MKLN1: variants seen among roughly 807,000 people sequenced by gnomAD.
MKLN1 encodes muskelin 1.
A neutral mutation model predicts 99.0 loss-of-function variants in MKLN1; 18 were observed. The observed-to-expected ratio is 0.18, with a 90% CI of 0.13 to 0.27. The LOEUF is 0.27. Ranked by LOEUF, MKLN1 falls within the 10% of genes least tolerant of loss-of-function variation. The probability of loss-of-function intolerance (pLI) is 1.00; values close to 1 mark genes in which losing one functional copy is unlikely to be tolerated. For synonymous variants in MKLN1, 288 were observed against 293.2 expected (o/e 0.98, Z 0.18); for missense variants, 621 against 875.9 (o/e 0.71, Z 3.67).
At chr7:131,328,197 GC>G in intron 1 of MKLN1, 200 bp downstream of exon 1, 1 of 649,110 alleles carries the variant, frequency 1.5e-6, no homozygotes, top group Non-Finnish European at 2.6e-6. Context: ...CGGAGAGCGA[GC>G]CCAGGGAGAA....
chr7:131,353,634 A>G (rs1015520022), intron 1 of MKLN1, among the ~76,000 whole-genome samples: 3 of 152,062 alleles, frequency 2.0e-5, no homozygotes, highest in African/African-American at 7.2e-5. Context: ...GCTGAAGTCC[A>G]GTTTTTCAAT....
intron 2 of MKLN1, among the ~76,000 whole-genome samples, chr7:131,192,066 ATT>A (rs1328062626): frequency 4.7e-5 from 5 of 107,326 alleles, no homozygotes; most frequent in East Asian, 2.0e-4. Flanking sequence ...GTATATATAT[ATT>A]ATATATATAC....
At chr7:131,366,999 T>C (rs764721801) in intron 1 of MKLN1, among the ~76,000 whole-genome samples, 9 of 152,196 alleles carry the variant, frequency 5.9e-5, no homozygotes. Context: ...TATACAGATA[T>C]AGTAGATTTT....
chr7:131,480,636 A>G (rs1407370852), intron 17 of MKLN1, among the ~76,000 whole-genome samples: 1 of 152,144 alleles, frequency 6.6e-6, no homozygotes, highest in African/African-American at 2.4e-5. Flanking sequence ...CTATTCATAC[A>G]CTCGAGTTGA....
In MKLN1 at chr7:131,257,726, G is replaced by A. The variant is rs73726318; in HGVS notation, c.-179+54752G>A. On this transcript the variant is annotated intron_variant, in intron 3 of 7. Coordinates refer to the MKLN1 transcript ENST00000416992. ...AAGGAGGAAGGAGAGGAGAAGGGAG[G>A]GAAGGGGAAGGGAGAGAAGGGAAAG... 1.4e-3 allele frequency among the ~76,000 whole-genome samples: 210 copies of A among 152,226 alleles called. 1 individual carries two copies. Among genetic ancestry groups the A allele is most frequent in the African/African-American group, 4.9e-3 (202 of 41,538 alleles).
chr7:131,116,081 A>C (rs192140345), intron 1 of MKLN1, among the ~76,000 whole-genome samples: 1 of 152,052 alleles, frequency 6.6e-6, no homozygotes, highest in Non-Finnish European at 1.5e-5. Context: ...CGAGGCGGGC[A>C]GATCACGAGG....
chr7:131,271,389 C>T (rs1314211613), intron 3 of MKLN1, among the ~76,000 whole-genome samples: 4 of 151,850 alleles, frequency 2.6e-5, no homozygotes, highest in Admixed American at 6.6e-5. Context: ...GAGGCCGAGA[C>T]AGGCAGATCA....
At chr7:131,111,371 C>A (rs1016403464) in intron 1 of MKLN1, among the ~76,000 whole-genome samples, 17 of 152,200 alleles carry the variant, frequency 1.1e-4, no homozygotes, top group Non-Finnish European at 2.9e-5. Context: ...GCCTCACACC[C>A]ACATATCTTG....
At chr7:131,374,829 A>C (rs1793589894) in intron 1 of MKLN1, among the ~76,000 whole-genome samples, 2 of 152,098 alleles carry the variant, frequency 1.3e-5, no homozygotes, top group Non-Finnish European at 2.9e-5. Context: ...GATATATGTA[A>C]TATATAATGT....
chr7:131,411,310 C>T lies in MKLN1; in HGVS notation c.708C>T (p.Gly236=). The change falls in exon 7 of 18, where the codon GGC becomes GGT. Residue 236 remains glycine, a synonymous_variant. Coordinates refer to ENST00000352689, the MANE Select transcript of MKLN1 (RefSeq NM_013255.5). ...EELIEKAVND[G]LFNQYISQQE... ...CTCATTCTTCAATATTTGCAGATGGCTTGTTCAATCAGTATATCAGTCAAC... is the reference window on the plus strand; with the variant it reads ...CTCATTCTTCAATATTTGCAGATGGTTTGTTCAATCAGTATATCAGTCAAC... 7 of 1,598,320 alleles carry T rather than the reference C, an allele frequency of 4.4e-6. No homozygotes were observed. Among genetic ancestry groups the T allele is most frequent in the Non-Finnish European group, 6.0e-6 (7 of 1,166,302 alleles).
chr7:131,293,817 A>AT (rs1367116868), intron 3 of MKLN1, among the ~76,000 whole-genome samples: 1 of 152,162 alleles, frequency 6.6e-6, no homozygotes, highest in Non-Finnish European at 1.5e-5. Context: ...AAGTTCATTA[A>AT]TTAATAATAA....
At chr7:131,252,180 C>G (rs1018012185) in intron 3 of MKLN1, among the ~76,000 whole-genome samples, 4 of 152,026 alleles carry the variant, frequency 2.6e-5, no homozygotes, top group African/African-American at 9.7e-5. Flanking sequence ...AAAGCCCGGA[C>G]AGATACCTCA....
intron 2 of MKLN1, among the ~76,000 whole-genome samples, chr7:131,189,271 TGACA>T (rs1215702970): frequency 6.6e-6 from 1 of 152,200 alleles, no homozygotes; most frequent in African/African-American, 2.4e-5. Flanking sequence ...GTGATTGAAA[TGACA>T]GACAGGGGAG....
At chr7:131,355,862 A>G (rs543136994) in intron 1 of MKLN1, among the ~76,000 whole-genome samples, 24 of 151,474 alleles carry the variant, frequency 1.6e-4, no homozygotes, top group Admixed American at 1.2e-3. Context: ...TCTATTCTAA[A>G]TAGTATTTTT....
At chr7:131,366,640 C>A (rs974543851) in intron 1 of MKLN1, among the ~76,000 whole-genome samples, 1 of 152,012 alleles carries the variant, frequency 6.6e-6, no homozygotes, top group African/African-American at 2.4e-5. Flanking sequence ...GTGAAATCCC[C>A]GTCTCTACTA....
chr7:131,417,671 G>A (rs144616897), intron 8 of MKLN1, among the ~76,000 whole-genome samples: 55 of 151,976 alleles, frequency 3.6e-4, no homozygotes, highest in Middle Eastern at 3.4e-3. Context: ...TATTTTTTAC[G>A]TTCAAAAAAT....
At chr7:131,146,539 A>G (rs1432513096) in intron 2 of MKLN1, among the ~76,000 whole-genome samples, 3 of 152,204 alleles carry the variant, frequency 2.0e-5, no homozygotes. Context: ...GCCATTTGCC[A>G]CTTGGGTATA....
At chr7:131,272,169 A>C (rs562637906) in intron 3 of MKLN1, among the ~76,000 whole-genome samples, 3 of 152,302 alleles carry the variant, frequency 2.0e-5, no homozygotes. Flanking sequence ...GAGCTTCAAA[A>C]TAGAAGGACC....
Position 131,369,301 on chromosome 7 carries a change from A to C in MKLN1, c.99-6123A>C, listed in dbSNP as rs1041620887. ...AATATGTACATTTTAGATTTTAATA[A>C]ATTTTACATGTTTACTTTCCATAAA... On this transcript the variant is annotated intron_variant, in intron 1 of 17. Coordinates refer to ENST00000352689, the MANE Select transcript of MKLN1 (RefSeq NM_013255.5). 4.6e-5 allele frequency among the ~76,000 whole-genome samples: 7 copies of C among 152,280 alleles called. No individual in the cohort carries two copies. In the East Asian group the frequency reaches 7.7e-4, roughly 17 times the overall value.
Sources: allele counts gnomAD v4.1 joint callset (sites outside exome capture counted in the v4.1 genomes callset), GRCh38; gene constraint gnomAD v4.1.1; transcripts MANE v1.5; gene names NCBI Gene and HGNC (gene_info 2026-07-23, HGNC 2026-07-21).